NIN: variants seen among roughly 807,000 people sequenced by gnomAD.
The protein encoded by NIN is glycogen synthase kinase 3 beta-interacting protein.
NIN carries 137 observed loss-of-function variants against 257.6 expected under a neutral mutation model. The ratio of observed to expected loss-of-function variants is 0.53; its 90% confidence interval spans 0.46 to 0.61. The LOEUF is 0.61. NIN is among the 20% of genes least tolerant of loss of function. NIN has a pLI of 0.00. For missense variants in NIN, 2,439 were observed against 2,501.2 expected (o/e 0.98, Z 0.53); for synonymous variants, 918 against 919.8 (o/e 1.00, Z 0.04).
At chr14:50,805,789 C>A (rs890856170) in intron 4 of NIN, 14 of 152,258 alleles carry the variant, frequency 9.2e-5, no homozygotes, top group African/African-American at 2.9e-4. Context: ...GCACAAGTCT[C>A]TGGGTTGGAA....
At chr14:50,799,495 G>C (rs990793159) in intron 4 of NIN, among the ~76,000 whole-genome samples, 2 of 152,220 alleles carry the variant, frequency 1.3e-5, no homozygotes, top group African/African-American at 4.8e-5. Context: ...GGTAAGATTA[G>C]TGTAATGACG....
In NIN at chr14:50,766,801, C is replaced by T; in HGVS notation, c.1524G>A (p.Leu508=). The part of the protein sequence containing the change: ...ENLTNKLQRN[L]ENVLAEKFGD... The stretch of plus-strand genomic sequence containing the variant: ...TTACCTTTTCTGCTAACACATTTTC[C>T]AAATTTCTCTGAAGTTTGTTTGTCA... Residue 508 remains leucine, a synonymous_variant, in exon 13 of 31, where the codon TTG becomes TTA. Transcript: ENST00000530997. 1 of 1,613,174 alleles carries T rather than the reference C, an allele frequency of 6.2e-7. No individual in the cohort carries two copies. The highest frequency in any genetic ancestry group is 8.5e-7 in the Non-Finnish European group (1 of 1,179,278).
chr14:50,763,710 A>ATTTTTTTTTTTTTTTTTTTTT, intron 15 of NIN, 116 bp downstream of exon 15: 1 of 864,734 alleles, frequency 1.2e-6, no homozygotes, highest in Non-Finnish European at 1.7e-6. Context: ...GTATGGCCAA[A>ATTTTTTTTTTTTTTTTTTTTT]TTCTTTTTTT....
intron 30 of NIN, chr14:50,724,360 A>G (rs139167632): frequency 1.4e-5 from 3 of 213,842 alleles, no homozygotes; most frequent in Non-Finnish European, 2.8e-5. Flanking sequence ...GGGCATCTAA[A>G]AGTATAAAGG....
rs778226021 is a variant in NIN, at chr14:50,778,755, C to T, written c.475+10G>A. The T allele has an allele frequency of 8.7e-6, 14 of 1,613,784 alleles. No homozygotes were observed. In the South Asian group the frequency reaches 8.8e-5, roughly 10 times the overall value. On this transcript the variant is annotated intron_variant, in intron 6 of 30. Coordinates refer to ENST00000530997, the MANE Select transcript of NIN (RefSeq NM_020921.4). ...CCTTCCAGGCACGTCCTGACACACT[C>T]GGCTCTTACCTTCCGCTTCATACTC...
intron 28 of NIN, 79 bp from the exon 29 acceptor site, chr14:50,729,802 T>A: frequency 9.2e-7 from 1 of 1,082,512 alleles, no homozygotes; most frequent in Non-Finnish European, 1.3e-6. Context: ...AGGCAGTGAG[T>A]AATGAAGACT....
intron 21 of NIN, among the ~76,000 whole-genome samples, chr14:50,751,331 T>A (rs1389586425): frequency 6.6e-6 from 1 of 152,192 alleles, no homozygotes; most frequent in African/African-American, 2.4e-5. Flanking sequence ...CATATGTAAT[T>A]TTGTTAGGTA....
Position 50,724,695 on chromosome 14 carries a change from G to T in NIN, c.6193-1023C>A, listed in dbSNP as rs149085237. ...CTCTCCTCCTGCTTCTCCCAGGACA[G>T]TGTGAACTGGCAATGCTGAAGTGTT... On this transcript the variant is annotated intron_variant, in intron 30 of 30. Coordinates refer to ENST00000530997, the MANE Select transcript of NIN (RefSeq NM_020921.4). Among the ~76,000 whole-genome samples the T allele has an allele frequency of 4.5e-3, 687 of 152,276 alleles. 3 individuals are homozygous for T. Among genetic ancestry groups the T allele is most frequent in the Middle Eastern group, 6.8e-3 (2 of 294 alleles).
intron 22 of NIN, among the ~76,000 whole-genome samples, chr14:50,745,483 C>T (rs1254648485): frequency 6.6e-6 from 1 of 152,158 alleles, no homozygotes; most frequent in African/African-American, 2.4e-5. Context: ...TCTTTATTAT[C>T]ATTATGATTT....
Position 50,806,718 on chromosome 14 carries a change from G to A in NIN, c.265+19C>T, listed in dbSNP as rs749711961. 2.8e-6 allele frequency: 4 copies of A among 1,434,670 alleles called. No individual in the cohort carries two copies. The highest frequency in any genetic ancestry group is 2.8e-5 in the African/African-American group (2 of 70,268). 88.9% of individuals were successfully genotyped at this position (1,434,670 alleles called of 1,614,324 possible). On this transcript the variant is annotated intron_variant, in intron 4 of 30. Transcript: ENST00000530997. ...AACTTTTAAAGGGGAAGGCAGAGAA[G>A]AGAAGTGAGTGACCTTACCTGGTTC...
chr14:50,727,696 T>G (rs765162269), intron 29 of NIN: 1 of 1,439,624 alleles, frequency 6.9e-7, no homozygotes. Flanking sequence ...TTTTCACAGG[T>G]GCCCAATCCT....
chr14:50,803,938 C>T (rs537417034), intron 4 of NIN, among the ~76,000 whole-genome samples: 79 of 150,926 alleles, frequency 5.2e-4, no homozygotes, highest in Non-Finnish European at 8.1e-4. Flanking sequence ...ACTCTGTCAC[C>T]GAGGATGAAG....
chr14:50,728,969 C>G (rs10145951), intron 29 of NIN, among the ~76,000 whole-genome samples: 2 of 152,126 alleles, frequency 1.3e-5, no homozygotes, highest in East Asian at 3.8e-4. Flanking sequence ...GCAGGCTGCA[C>G]GGCTCTGGCA....
intron 18 of NIN, among the ~76,000 whole-genome samples, chr14:50,756,093 C>A (rs558785321): frequency 6.7e-6 from 1 of 150,064 alleles, no homozygotes; most frequent in Non-Finnish European, 1.5e-5. Context: ...TAATAATACA[C>A]AAAAAATCAT....
intron 15 of NIN, 147 bp from the exon 16 acceptor site, chr14:50,762,058 A>T (rs2042294598): frequency 1.2e-6 from 1 of 810,284 alleles, no homozygotes. Flanking sequence ...AACAGAGGCC[A>T]AGAGAAGTCT....
intron 5 of NIN, among the ~76,000 whole-genome samples, chr14:50,780,244 A>C: frequency 6.6e-6 from 1 of 152,226 alleles, no homozygotes; most frequent in East Asian, 1.9e-4. Context: ...CCCTGTTAGA[A>C]AAGGTGAATC....
In NIN at chr14:50,720,996, A is replaced by T. The variant is rs2040259850; in HGVS notation, c.*2467T>A. The T allele has an allele frequency of 5.2e-6, 1 of 191,152 alleles. No homozygotes were observed. 11.8% of individuals were successfully genotyped at this position (191,152 alleles called of 1,614,324 possible). The stretch of plus-strand genomic sequence containing the variant: ...AGAATGCTATTGTAAAGTTTGAAAC[A>T]AGATCTAAACATTTTTAAGTTTACA... On this transcript the variant is annotated 3_prime_UTR_variant, in exon 31 of 31. Transcript: ENST00000530997.
chr14:50,818,083 G>C (rs1358078625), intron 3 of NIN, among the ~76,000 whole-genome samples: 1 of 151,564 alleles, frequency 6.6e-6, no homozygotes, highest in Non-Finnish European at 1.5e-5. Flanking sequence ...CAGCACTTTG[G>C]GAGGCCGAGG....
chr14:50,766,683 G>T, intron 13 of NIN, 97 bp downstream of exon 13: 1 of 810,982 alleles, frequency 1.2e-6, no homozygotes, highest in Non-Finnish European at 2.1e-6. Flanking sequence ...CCCAGTAATT[G>T]CCTAATAAAA....
Sources: allele counts gnomAD v4.1 joint callset (sites outside exome capture counted in the v4.1 genomes callset), GRCh38; gene constraint gnomAD v4.1.1; transcripts MANE v1.5; gene names NCBI Gene and HGNC (gene_info 2026-07-23, HGNC 2026-07-21).